Variants in SORBS2 observed in about 807,000 individuals in gnomAD.
SORBS2 encodes the protein sorbin and SH3 domain containing 2.
SORBS2 carries 46 observed loss-of-function variants against 97.7 expected under a neutral mutation model. That is an observed-to-expected ratio of 0.47 (90% CI 0.37 to 0.60). SORBS2 has a LOEUF of 0.60. Ranked by LOEUF, SORBS2 falls within the 20% of genes least tolerant of loss-of-function variation. SORBS2 has a pLI of 0.00. For synonymous variants in SORBS2, 476 were observed against 473.4 expected, an observed-to-expected ratio of 1.01 and a Z score of -0.07; for missense variants, 1,316 against 1,282.3, an observed-to-expected ratio of 1.03 and a Z score of -0.40.
At chr4:185,715,877 G>A (rs1306160670) in intron 2 of SORBS2, among the ~76,000 whole-genome samples, 2 of 152,196 alleles carry the variant, frequency 1.3e-5, no homozygotes, top group Non-Finnish European at 2.9e-5. Context: ...GCTGGAATGT[G>A]TAACAGAATA....
At chr4:185,725,128 G>A (rs933340481) in intron 2 of SORBS2, among the ~76,000 whole-genome samples, 2 of 152,136 alleles carry the variant, frequency 1.3e-5, no homozygotes, top group Non-Finnish European at 2.9e-5. Context: ...TTCAAAAAGG[G>A]ATTTAGGCAG....
At chr4:185,608,458 T>C (rs372712919) in intron 12 of SORBS2, among the ~76,000 whole-genome samples, 78 of 152,302 alleles carry the variant, frequency 5.1e-4, no homozygotes, top group African/African-American at 1.8e-3. Flanking sequence ...GCTTGACATT[T>C]ATGTAAATCA....
In SORBS2 at chr4:185,796,072, T is replaced by C. The variant is rs1001867537; in HGVS notation, c.-337-20706A>G. ...CCTCCTACAGGAAATTCCCTTATTT[T>C]TTTTAAATTTTCTTGTAGAGATGGG... On this transcript the variant is annotated intron_variant, in intron 1 of 20. Coordinates refer to the SORBS2 transcript ENST00000284776. 2.0e-5 allele frequency among the ~76,000 whole-genome samples: 3 copies of C among 152,184 alleles called. No individual in the cohort carries two copies. The East Asian group carries it at 5.8e-4, about 29-fold the overall frequency.
intron 1 of SORBS2, among the ~76,000 whole-genome samples, chr4:185,807,704 T>C (rs1274922313): frequency 6.6e-6 from 1 of 152,256 alleles, no homozygotes; most frequent in Non-Finnish European, 1.5e-5. Context: ...TGTCCATGTC[T>C]TGAGTTTTTC....
chr4:185,588,079 A>G (rs1266312586), intron 14 of SORBS2: 2 of 187,122 alleles, frequency 1.1e-5, no homozygotes, highest in Non-Finnish European at 2.2e-5. Flanking sequence ...AAATCCTAAG[A>G]GCAAAGCTTC....
chr4:185,810,683 T>A (rs911882728), intron 1 of SORBS2: 7 of 152,254 alleles, frequency 4.6e-5, no homozygotes, highest in Admixed American at 4.6e-4. Context: ...TTGATTTGAC[T>A]GACCAGTTTC....
chr4:185,619,385 C>A (rs2096677036), intron 8 of SORBS2, among the ~76,000 whole-genome samples: 1 of 152,202 alleles, frequency 6.6e-6, no homozygotes, highest in Non-Finnish European at 1.5e-5. Context: ...AATCCTGGAC[C>A]ATTTCTAACT....
intron 3 of SORBS2, among the ~76,000 whole-genome samples, chr4:185,647,684 C>G (rs1393848034): frequency 6.6e-6 from 1 of 152,164 alleles, no homozygotes; most frequent in East Asian, 1.9e-4. Flanking sequence ...CAAGCCCTAG[C>G]TTTCTACTAA....
At chr4:185,613,875 T>G (rs2096585238) in intron 11 of SORBS2, among the ~76,000 whole-genome samples, 1 of 152,014 alleles carries the variant, frequency 6.6e-6, no homozygotes, top group Non-Finnish European at 1.5e-5. Context: ...CGGCTGATGA[T>G]GCAGAATTAA....
chr4:185,702,721 C>G (rs1433962184), intron 2 of SORBS2, among the ~76,000 whole-genome samples: 1 of 151,138 alleles, frequency 6.6e-6, no homozygotes, highest in Non-Finnish European at 1.5e-5. Flanking sequence ...GGAAGGTATG[C>G]TTGGGCAAAT....
chr4:185,898,539 G>C (rs1210171493), intron 1 of SORBS2, among the ~76,000 whole-genome samples: 1 of 152,206 alleles, frequency 6.6e-6, no homozygotes, highest in South Asian at 2.1e-4. Context: ...GTTTTTGGAG[G>C]CAGTGTTGCT....
chr4:185,860,189 C>T (rs751332550), intron 1 of SORBS2, among the ~76,000 whole-genome samples: 37 of 152,260 alleles, frequency 2.4e-4, no homozygotes, highest in Admixed American at 5.9e-4. Context: ...CTCATTTATT[C>T]GGGAAGCAAC....
intron 1 of SORBS2, among the ~76,000 whole-genome samples, chr4:185,925,956 C>A (rs554252422): frequency 6.6e-6 from 1 of 152,280 alleles, no homozygotes; most frequent in Admixed American, 6.5e-5. Flanking sequence ...AAGGCAATTT[C>A]TTTGATGGAA....
At chr4:185,744,595 G>A (rs913880204) in intron 2 of SORBS2, among the ~76,000 whole-genome samples, 7 of 152,226 alleles carry the variant, frequency 4.6e-5, no homozygotes, top group African/African-American at 1.2e-4. Flanking sequence ...ATGCAGGCAG[G>A]TGGTGGCACT....
chr4:185,742,869 C>T (rs140911222), intron 2 of SORBS2, among the ~76,000 whole-genome samples: 243 of 152,308 alleles, frequency 1.6e-3, no homozygotes, highest in African/African-American at 5.4e-3. Flanking sequence ...CTGGGACACA[C>T]GAGCTTCTGA....
intron 4 of SORBS2, among the ~76,000 whole-genome samples, chr4:185,636,648 A>ACT (rs1467070971): frequency 1.0e-4 from 14 of 134,006 alleles, no homozygotes; most frequent in Non-Finnish European, 1.4e-4. Context: ...CCAGTTGACT[A>ACT]TTTTTTTTTT....
chr4:185,690,686 G>T, intron 2 of SORBS2, 75 bp from the exon 4 acceptor site: 1 of 583,310 alleles, frequency 1.7e-6, no homozygotes, highest in South Asian at 2.8e-5. Flanking sequence ...TCGCATTTTT[G>T]TTTTTGATGT....
intron 1 of SORBS2, among the ~76,000 whole-genome samples, chr4:185,955,495 C>A (rs894478823): frequency 6.6e-6 from 1 of 152,150 alleles, no homozygotes; most frequent in Admixed American, 6.6e-5. Flanking sequence ...CAGAAATAAA[C>A]GCTCCACAAA....
intron 1 of SORBS2, among the ~76,000 whole-genome samples, chr4:185,891,267 G>A (rs1182923170): frequency 6.6e-6 from 1 of 152,180 alleles, no homozygotes; most frequent in Non-Finnish European, 1.5e-5. Context: ...GTAACAGTGA[G>A]AAAATTATTG....
Sources: gnomAD v4.1 joint callset for allele counts (sites outside exome capture counted in the v4.1 genomes callset) on GRCh38, gnomAD v4.1.1 for gene constraint, MANE v1.5 for transcripts, NCBI Gene and HGNC (gene_info 2026-07-23, HGNC 2026-07-21) for gene names.